The following LSAMP variants were observed in gnomAD, a reference collection of about 807,000 sequenced individuals.
The protein encoded by LSAMP is limbic system-associated membrane protein.
In LSAMP, 7 loss-of-function variants were observed where a neutral mutation model predicts 38.6. The observed-to-expected ratio is 0.18, with a 90% CI of 0.10 to 0.34. The LOEUF is 0.34. Ranked by LOEUF, LSAMP falls within the 10% of genes least tolerant of loss-of-function variation. LSAMP has a pLI of 1.00. For synonymous variants in LSAMP, 154 were observed against 166.8 expected (o/e 0.92, Z 0.59); for missense variants, 313 against 420.0 (o/e 0.75, Z 2.23).
intron 4 of LSAMP, among the ~76,000 whole-genome samples, chr3:115,843,363 AT>A (rs1334541842): frequency 1.3e-5 from 2 of 152,234 alleles, no homozygotes; most frequent in Non-Finnish European, 2.9e-5. Context: ...TCCATGACTC[AT>A]TCAAACATTC....
rs372330464 is a variant in LSAMP at position 115,819,040 on chromosome 3, C to T, written c.920-8626G>A. On this transcript the variant is annotated intron_variant, in intron 6 of 6. Transcript: ENST00000490035. The stretch of plus-strand genomic sequence containing the variant: ...TGGCACGTGCCTGTAATCCCAGCTA[C>T]TCGGGAAGCTGAGGCAGGAGAATCA... 1.0e-3 allele frequency among the ~76,000 whole-genome samples: 154 copies of T among 151,294 alleles called. 2 individuals are homozygous for T. Among genetic ancestry groups the T allele is most frequent in the African/African-American group, 3.6e-3 (147 of 41,264 alleles).
intron 1 of LSAMP, among the ~76,000 whole-genome samples, chr3:116,425,420 G>C (rs1013343514): frequency 6.6e-6 from 1 of 152,180 alleles, no homozygotes; most frequent in Non-Finnish European, 1.5e-5. Context: ...CAGGCAACAC[G>C]TGGAACATGG....
At chr3:116,295,153 A>C (rs1576489066) in intron 1 of LSAMP, among the ~76,000 whole-genome samples, 1 of 152,356 alleles carries the variant, frequency 6.6e-6, no homozygotes, top group East Asian at 1.9e-4. Context: ...AAAAAGAAAA[A>C]GTAGCCAGAA....
chr3:116,165,075 A>G (rs914991059), intron 1 of LSAMP, among the ~76,000 whole-genome samples: 1 of 152,134 alleles, frequency 6.6e-6, no homozygotes, highest in Non-Finnish European at 1.5e-5. Flanking sequence ...TAATCATGCA[A>G]TGCTTCATCC....
intron 3 of LSAMP, among the ~76,000 whole-genome samples, chr3:116,011,570 A>C (rs1010799962): frequency 2.1e-5 from 1 of 46,730 alleles, no homozygotes. Context: ...AAATTAAGCA[A>C]AAAAAAAAAT....
chr3:116,288,619 C>T lies in LSAMP; in HGVS notation c.155+156258G>A, dbSNP rs112873165. On this transcript the variant is annotated intron_variant, in intron 1 of 6. Transcript: ENST00000490035. ...AAAGTCAGAAGGTTTCCTGTGATGA[C>T]GTCCCGAAAATACTGAGAGTTTCAA... 6.9e-3 allele frequency among the ~76,000 whole-genome samples: 1,044 copies of T among 152,276 alleles called. 7 individuals are homozygous for T. Among genetic ancestry groups the T allele is most frequent in the Middle Eastern group, 0.024 (7 of 294 alleles).
rs564406359 is a variant in LSAMP, at chr3:116,326,494, C to A, written c.155+118383G>T. 1.0e-3 allele frequency among the ~76,000 whole-genome samples: 152 copies of A among 152,102 alleles called. 1 individual carries two copies. Among genetic ancestry groups the A allele is most frequent in the African/African-American group, 3.4e-3 (143 of 41,524 alleles). On this transcript the variant is annotated intron_variant, in intron 1 of 6. Coordinates refer to ENST00000490035, the MANE Select transcript of LSAMP (RefSeq NM_002338.5). ...TCTGTCCCACAATGACACTAGAGTG[C>A]AATGCAGCAATGGGAAACAGGTGGG...
intron 3 of LSAMP, among the ~76,000 whole-genome samples, chr3:115,879,522 A>G (rs1936268935): frequency 6.6e-6 from 1 of 152,184 alleles, no homozygotes. Context: ...CTGACATTAG[A>G]AGGTAGAAAG....
intron 1 of LSAMP, among the ~76,000 whole-genome samples, chr3:116,193,560 TACAA>T (rs1480256811): frequency 1.3e-5 from 2 of 152,154 alleles, no homozygotes; most frequent in African/African-American, 2.4e-5. Flanking sequence ...AAAGTATATT[TACAA>T]ACAAACAAAA....
chr3:116,322,755 C>T (rs1017767757), intron 1 of LSAMP, among the ~76,000 whole-genome samples: 3 of 152,006 alleles, frequency 2.0e-5, no homozygotes, highest in Admixed American at 2.0e-4. Flanking sequence ...CAAATCTTTC[C>T]ATCTTTTAAT....
At chr3:116,425,643 C>T (rs1438767198) in intron 1 of LSAMP, among the ~76,000 whole-genome samples, 1 of 152,020 alleles carries the variant, frequency 6.6e-6, no homozygotes, top group Non-Finnish European at 1.5e-5. Flanking sequence ...CCGTCTATGA[C>T]TTAGGGAGCT....
chr3:116,239,343 C>T (rs1424667367), intron 1 of LSAMP, among the ~76,000 whole-genome samples: 1 of 151,992 alleles, frequency 6.6e-6, no homozygotes, highest in East Asian at 1.9e-4. Context: ...ACTCACGAGG[C>T]TTTGGAATTA....
chr3:116,309,715 T>C (rs2047530913), intron 1 of LSAMP, among the ~76,000 whole-genome samples: 1 of 152,132 alleles, frequency 6.6e-6, no homozygotes, highest in African/African-American at 2.4e-5. Context: ...CTTTTCTCCA[T>C]GGGAAGAACA....
intron 1 of LSAMP, among the ~76,000 whole-genome samples, chr3:116,289,895 C>A (rs556341524): frequency 1.2e-3 from 178 of 152,276 alleles, no homozygotes; most frequent in Middle Eastern, 3.4e-3. Flanking sequence ...TGAAGCTAAA[C>A]CTGGATTAAA....
At chr3:116,177,611 T>C (rs1576413666) in intron 1 of LSAMP, among the ~76,000 whole-genome samples, 1 of 152,170 alleles carries the variant, frequency 6.6e-6, no homozygotes, top group African/African-American at 2.4e-5. Flanking sequence ...ACAATAAAAA[T>C]AATTCTTTTA....
At chr3:116,106,622 G>T (rs1007982954) in intron 1 of LSAMP, among the ~76,000 whole-genome samples, 3 of 152,154 alleles carry the variant, frequency 2.0e-5, no homozygotes, top group African/African-American at 7.2e-5. Context: ...ATGCTTGGCT[G>T]ATTTGACTAA....
chr3:116,248,972 C>A (rs2046639395), intron 1 of LSAMP, among the ~76,000 whole-genome samples: 2 of 151,866 alleles, frequency 1.3e-5, no homozygotes, highest in South Asian at 2.1e-4. Flanking sequence ...ATGGTGAGAC[C>A]CTGTCTCTAC....
At chr3:116,191,274 A>C (rs1710748804) in intron 1 of LSAMP, among the ~76,000 whole-genome samples, 1 of 152,212 alleles carries the variant, frequency 6.6e-6, no homozygotes, top group Non-Finnish European at 1.5e-5. Flanking sequence ...TCCTCCATAC[A>C]CAGAAACTGT....
At chr3:116,132,557 G>A (rs1272242733) in intron 1 of LSAMP, among the ~76,000 whole-genome samples, 3 of 152,148 alleles carry the variant, frequency 2.0e-5, no homozygotes, top group Non-Finnish European at 4.4e-5. Context: ...CATGTTTCTC[G>A]TGAACTTCTC....
Sources: allele counts gnomAD v4.1 joint callset (sites outside exome capture counted in the v4.1 genomes callset), GRCh38; gene constraint gnomAD v4.1.1; transcripts MANE v1.5; gene names NCBI Gene and HGNC (gene_info 2026-07-23, HGNC 2026-07-21).